BCAR3: variants seen among roughly 807,000 people sequenced by gnomAD.
The protein encoded by BCAR3 is breast cancer anti-estrogen resistance protein 3.
A neutral mutation model predicts 80.1 loss-of-function variants in BCAR3; 37 were observed. That is an observed-to-expected ratio of 0.46 (90% CI 0.36 to 0.61). BCAR3 has a LOEUF of 0.61. Ranked by LOEUF, BCAR3 falls within the 20% of genes least tolerant of loss-of-function variation. BCAR3 has a pLI of 0.00. For missense variants in BCAR3, 978 were observed against 1,068.2 expected, an observed-to-expected ratio of 0.92 and a Z score of 1.18; for synonymous variants, 389 against 418.9, an observed-to-expected ratio of 0.93 and a Z score of 0.87.
At chr1:93,809,773 G>GAA (rs1571143045) in intron 2 of BCAR3, among the ~76,000 whole-genome samples, 18 of 46,976 alleles carry the variant, frequency 3.8e-4, no homozygotes, top group African/African-American at 1.0e-3. Context: ...GTCTCAAAAA[G>GAA]ATAAAAAAAA....
chr1:93,662,570 T>C (rs1301371458), intron 2 of BCAR3, among the ~76,000 whole-genome samples: 1 of 152,182 alleles, frequency 6.6e-6, no homozygotes, highest in South Asian at 2.1e-4. Flanking sequence ...TAGAAGATTT[T>C]TTTAACTGAT....
At chr1:93,656,660 A>G (rs946785166) in intron 2 of BCAR3, among the ~76,000 whole-genome samples, 3 of 150,082 alleles carry the variant, frequency 2.0e-5, no homozygotes, top group Non-Finnish European at 4.4e-5. Flanking sequence ...GCTAAAGTAC[A>G]GTGCACAGTC....
intron 2 of BCAR3, among the ~76,000 whole-genome samples, chr1:93,725,662 T>C (rs1410297477): frequency 6.6e-6 from 1 of 152,258 alleles, no homozygotes. Flanking sequence ...TCTCTGTGTC[T>C]AATGAATTTT....
At chr1:93,779,586 G>A (rs1255743898) in intron 2 of BCAR3, among the ~76,000 whole-genome samples, 1 of 152,208 alleles carries the variant, frequency 6.6e-6, no homozygotes, top group East Asian at 1.9e-4. Context: ...AGTGAGCCAT[G>A]CAGATACCTA....
intron 5 of BCAR3, among the ~76,000 whole-genome samples, chr1:93,588,758 C>T (rs565232173): frequency 6.6e-6 from 1 of 152,084 alleles, no homozygotes; most frequent in South Asian, 2.1e-4. Flanking sequence ...TCCCCATCAG[C>T]ACCCCCCGAA....
At chr1:93,692,372 G>GT (rs1649224925) in intron 3 of BCAR3, among the ~76,000 whole-genome samples, 1 of 152,170 alleles carries the variant, frequency 6.6e-6, no homozygotes, top group African/African-American at 2.4e-5. Flanking sequence ...TTTCCAAATG[G>GT]TAAGAATAAT....
rs1397786272 is a variant in BCAR3 at position 93,586,940 on chromosome 1, A to G, written c.929+2037T>C. Among the ~76,000 whole-genome samples, 1 of 152,012 alleles carries G rather than the reference A, an allele frequency of 6.6e-6. No individual in the cohort carries two copies. Among genetic ancestry groups the G allele is most frequent in the Non-Finnish European group, 1.5e-5 (1 of 68,004 alleles). On this transcript the variant is annotated intron_variant, in intron 5 of 11. Coordinates refer to ENST00000260502, the MANE Select transcript of BCAR3 (RefSeq NM_003567.4). This position sits in a 1 kb window ranked among gnomAD's most constrained non-coding sequence, Gnocchi z 4.2. ...CAGGCGTGCACCACCACACCTGGTT[A>G]ATTTTTGCATTTTTAGTAGAGATGG...
In BCAR3 at chr1:93,592,073, T is replaced by TGG. The variant is rs935250326; in HGVS notation, c.486+190_486+191dup. On this transcript the variant is annotated intron_variant, in intron 4 of 11. Transcript: ENST00000260502. This position sits in a 1 kb window ranked among gnomAD's most constrained non-coding sequence, Gnocchi z 4.8. ...TTCCTGAACATGTGGATGTGTGCTT[T>TGG]GGGTTCTTGACCTCAGCTCTTCCCA... 2.8e-6 allele frequency: 2 copies of TGG among 718,710 alleles called. No homozygotes were observed. The highest frequency in any genetic ancestry group is 4.3e-6 in the Non-Finnish European group (2 of 463,060). 44.5% of individuals were successfully genotyped at this position (718,710 alleles called of 1,614,324 possible).
Position 93,571,748 on chromosome 1 carries a change from C to T in BCAR3, c.1896G>A (p.Gln632=), listed in dbSNP as rs774804517. 5.0e-6 allele frequency: 8 copies of T among 1,613,994 alleles called. No individual in the cohort carries two copies. Among genetic ancestry groups the T allele is most frequent in the Non-Finnish European group, 6.8e-6 (8 of 1,180,022 alleles). The change falls in exon 9 of 12, where the codon CAG becomes CAA. Residue 632 remains glutamine, a synonymous_variant. Transcript: ENST00000260502. ...TGGAATCCTTCAGTTCCACCGCCAC[C>T]TGGATGATCTTACTCAGAGTGGCCG... ...DRAATLSKII[Q]VAVELKDSMG...
intron 2 of BCAR3, among the ~76,000 whole-genome samples, chr1:93,709,699 G>A (rs925184447): frequency 6.6e-6 from 1 of 152,184 alleles, no homozygotes; most frequent in African/African-American, 2.4e-5. Flanking sequence ...GAAAAAGGAA[G>A]GCTGTTTAAT....
chr1:93,697,754 G>C (rs1028461614), intron 3 of BCAR3, among the ~76,000 whole-genome samples: 2 of 152,048 alleles, frequency 1.3e-5, no homozygotes, highest in African/African-American at 4.8e-5. Context: ...CCGAGACGAC[G>C]GATCACCTGG....
chr1:93,805,859 A>G (rs1653637482), intron 2 of BCAR3, among the ~76,000 whole-genome samples: 1 of 152,216 alleles, frequency 6.6e-6, no homozygotes, highest in Non-Finnish European at 1.5e-5. Flanking sequence ...ACCTTAGAGA[A>G]AACTAAGAAA....
At chr1:93,595,437 AG>A (rs1273491653) in intron 3 of BCAR3, among the ~76,000 whole-genome samples, 1 of 152,214 alleles carries the variant, frequency 6.6e-6, no homozygotes, top group Non-Finnish European at 1.5e-5. Context: ...GCAGAGAGCC[AG>A]GTTTGCTGCT....
chr1:93,745,712 T>C (rs1651330216), intron 2 of BCAR3, among the ~76,000 whole-genome samples: 1 of 152,174 alleles, frequency 6.6e-6, no homozygotes, highest in Admixed American at 6.5e-5. Context: ...TATCTACTTG[T>C]TCATTAGTTC....
At chr1:93,629,326 A>G (rs1424098342) in intron 3 of BCAR3, among the ~76,000 whole-genome samples, 1 of 152,166 alleles carries the variant, frequency 6.6e-6, no homozygotes, top group Non-Finnish European at 1.5e-5. Flanking sequence ...TTTTTCAGAT[A>G]CCAAATCACA....
At chr1:93,575,376 T>G (rs1412810739) in intron 8 of BCAR3, among the ~76,000 whole-genome samples, 1 of 152,238 alleles carries the variant, frequency 6.6e-6, no homozygotes, top group Non-Finnish European at 1.5e-5. Context: ...GTCTAGAGCT[T>G]CTTTTCTTAA....
chr1:93,687,949 G>C (rs939154489), intron 3 of BCAR3, among the ~76,000 whole-genome samples: 3 of 152,198 alleles, frequency 2.0e-5, no homozygotes, highest in Non-Finnish European at 4.4e-5. Flanking sequence ...AACAACTGCA[G>C]AAAGAAAGAT....
At chr1:93,615,652 G>A (rs1338685312) in intron 3 of BCAR3, among the ~76,000 whole-genome samples, 3 of 152,286 alleles carry the variant, frequency 2.0e-5, no homozygotes, top group Middle Eastern at 3.4e-3. Context: ...CACTGTCCTC[G>A]AAGGTCCAGT....
intron 3 of BCAR3, among the ~76,000 whole-genome samples, chr1:93,687,617 T>G (rs1434684206): frequency 6.6e-6 from 1 of 152,196 alleles, no homozygotes; most frequent in Non-Finnish European, 1.5e-5. Flanking sequence ...ACACTTAAAT[T>G]TTTAAATATT....
Sources: gnomAD v4.1 joint callset for allele counts (sites outside exome capture counted in the v4.1 genomes callset) on GRCh38, gnomAD v4.1.1 for gene constraint, Gnocchi (gnomAD v3.1) non-coding constraint, MANE v1.5 for transcripts, NCBI Gene and HGNC (gene_info 2026-07-23, HGNC 2026-07-21) for gene names.